AKR1D1: variants seen among roughly 807,000 people sequenced by gnomAD.
AKR1D1 encodes delta(4)-3-ketosteroid 5-beta-reductase.
In AKR1D1, 32 loss-of-function variants were observed where a neutral mutation model predicts 42.6. The ratio of observed to expected loss-of-function variants is 0.75; its 90% confidence interval spans 0.57 to 1.01. AKR1D1 has a LOEUF of 1.01. AKR1D1 is among the 50% of genes least tolerant of loss of function. The probability of loss-of-function intolerance (pLI) is 0.00; values close to 1 mark genes in which losing one functional copy is unlikely to be tolerated. For synonymous variants in AKR1D1, 123 were observed against 135.5 expected (o/e 0.91, Z 0.64); for missense variants, 364 against 402.2 (o/e 0.91, Z 0.81).
intron 3 of AKR1D1, 25 bp from the exon 4 acceptor site, chr7:138,097,841 T>G: frequency 9.8e-6 from 14 of 1,429,024 alleles, no homozygotes; most frequent in African/African-American, 1.8e-5. Context: ...ATGAATTACA[T>G]TTATTCTTTT....
rs1562931657 is a variant in AKR1D1, at chr7:138,088,607, A to G, written c.100A>G (p.Lys34Glu). 3 of 1,614,042 alleles carry G rather than the reference A, an allele frequency of 1.9e-6. No individual in the cohort carries two copies. The highest frequency in any genetic ancestry group is 2.2e-5 in the East Asian group (1 of 44,900). The stretch of plus-strand genomic sequence containing the variant: ...AACCTCTTTGTCACTTCAGACCCCT[A>G]AGGGAGCCTGTGCAACATCGGTGAA... ...GTYSEPKSTP[K>E]GACATSVKVA... Residue 34 changes from lysine to glutamate, a missense_variant, in exon 2 of 9, where the codon AAG becomes GAG. Coordinates refer to ENST00000242375, the MANE Select transcript of AKR1D1 (RefSeq NM_005989.4).
At chr7:138,103,970 A>C (rs76659074) in intron 4 of AKR1D1, among the ~76,000 whole-genome samples, 133 of 152,202 alleles carry the variant, frequency 8.7e-4, no homozygotes, top group African/African-American at 3.1e-3. Context: ...CTCATCTCCA[A>C]AAAATATTTT....
At position 138,117,511 on chromosome 7, in the gene AKR1D1, T is replaced by C. The variant is rs570109957; in HGVS notation, c.*849T>C. ...TGGCTTTTCTTCTTAACTTGGGAGA[T>C]ATATTGAAACAAGGTGCTTTATAAG... is the stretch of plus-strand genomic sequence containing the variant. On this transcript the variant is annotated 3_prime_UTR_variant, in exon 9 of 9. Transcript: ENST00000242375. 1.3e-5 allele frequency: 2 copies of C among 152,356 alleles called. No homozygotes were observed. Among genetic ancestry groups the C allele is most frequent in the African/African-American group, 4.8e-5 (2 of 41,574 alleles). 9.4% of individuals were successfully genotyped at this position (152,356 alleles called of 1,614,324 possible).
At chr7:138,101,150 TCC>T (rs1325588315) in intron 4 of AKR1D1, among the ~76,000 whole-genome samples, 656 of 63,104 alleles carry the variant, frequency 0.01, 28 homozygotes, top group African/African-American at 0.041. Context: ...GTGTTTTCTT[TCC>T]CTCCCTCCCT....
rs1358790910 is a variant in AKR1D1 at position 138,105,328 on chromosome 7, G to A, written c.478G>A (p.Ala160Thr). The A allele has an allele frequency of 3.7e-6, 6 of 1,614,082 alleles. No individual in the cohort carries two copies. The highest frequency in any genetic ancestry group is 5.1e-6 in the Non-Finnish European group (6 of 1,179,968). The change falls in exon 5 of 9, where the codon GCT (alanine) becomes ACT (threonine). Residue 160 changes from alanine (A) to threonine (T), a missense_variant. Physicochemically the swap from Ala to Thr is moderately conservative, Grantham distance 58. Transcript: ENST00000242375. ...ACAGGCGATGGAAGCTTGCAAAGAC[G>A]CTGGCTTGGTGAAATCCCTGGGAGT... is the stretch of plus-strand genomic sequence containing the variant. ...TWEAMEACKDAGLVKSLGVSN... is the reference protein window; with the variant it reads ...TWEAMEACKDTGLVKSLGVSN...
At chr7:138,091,610 G>A (rs190300441) in intron 2 of AKR1D1, among the ~76,000 whole-genome samples, 158 bp from the exon 3 acceptor site, 1 of 151,512 alleles carries the variant, frequency 6.6e-6, no homozygotes, top group African/African-American at 2.4e-5. Flanking sequence ...TGGGCAGATC[G>A]CTTGAGCCCA....
At chr7:138,113,632 C>T in intron 7 of AKR1D1, 58 bp from the exon 8 acceptor site, 2 of 1,475,942 alleles carry the variant, frequency 1.4e-6, no homozygotes, top group East Asian at 4.5e-5. Flanking sequence ...ACCGGTGGCC[C>T]CACTTTCTGA....
chr7:138,089,922 G>T (rs532482476), intron 2 of AKR1D1, among the ~76,000 whole-genome samples: 4 of 152,138 alleles, frequency 2.6e-5, no homozygotes, highest in Non-Finnish European at 5.9e-5. Flanking sequence ...GTCACTATTG[G>T]CTGAGTTGCC....
intron 4 of AKR1D1, among the ~76,000 whole-genome samples, chr7:138,099,140 G>A (rs1794241782): frequency 6.6e-6 from 1 of 152,280 alleles, no homozygotes; most frequent in Non-Finnish European, 1.5e-5. Flanking sequence ...CGAGGGGCGA[G>A]GAGGAATGAT....
intron 3 of AKR1D1, among the ~76,000 whole-genome samples, chr7:138,095,817 C>A (rs117411517): frequency 6.6e-6 from 1 of 151,422 alleles, no homozygotes; most frequent in Non-Finnish European, 1.5e-5. Flanking sequence ...TGAGCCACTG[C>A]GCCTGGCCAA....
At chr7:138,080,806 G>A (rs1418570683) in intron 1 of AKR1D1, among the ~76,000 whole-genome samples, 1 of 151,976 alleles carries the variant, frequency 6.6e-6, no homozygotes, top group African/African-American at 2.4e-5. Context: ...TTAAAATAAG[G>A]ACAGGATCTC....
chr7:138,101,171 CCCTCCCTCCCTCCCTCCCTCCCTTCCTT>C (rs1186017960), intron 4 of AKR1D1, among the ~76,000 whole-genome samples: 11 of 35,762 alleles, frequency 3.1e-4, no homozygotes, highest in African/African-American at 1.3e-3. Context: ...CTCCCTCCCT[CCCTCCCTCCCTCCCTCCCTCCCTTCCTT>C]CCTTCCTTCC....
intron 4 of AKR1D1, among the ~76,000 whole-genome samples, chr7:138,101,006 T>C (rs1794297774): frequency 1.3e-5 from 2 of 150,760 alleles, no homozygotes; most frequent in Non-Finnish European, 3.0e-5. Flanking sequence ...GCCCGGCCTA[T>C]AGTCAGAGAT....
chr7:138,088,313 G>T (rs575923563), intron 1 of AKR1D1, among the ~76,000 whole-genome samples: 1 of 152,232 alleles, frequency 6.6e-6, no homozygotes, highest in East Asian at 1.9e-4. Flanking sequence ...CTGTAAAAAG[G>T]CTTCCATGAA....
chr7:138,077,851 C>T (rs1159435091), intron 1 of AKR1D1, among the ~76,000 whole-genome samples: 2 of 152,148 alleles, frequency 1.3e-5, no homozygotes, highest in Non-Finnish European at 2.9e-5. Flanking sequence ...CCAGTGAATG[C>T]CAAGCCCATA....
At position 138,116,887 on chromosome 7, in the gene AKR1D1, AT is replaced by A. The variant is rs916033085; in HGVS notation, c.*231del. On this transcript the variant is annotated 3_prime_UTR_variant, in exon 9 of 9. Coordinates refer to ENST00000242375, the MANE Select transcript of AKR1D1 (RefSeq NM_005989.4). Reference sequence around the variant, plus strand: ...ATAACTCTTAGGAAATTATCAACTAATTTTTTCAGATCAGTATCTTCTAGAT... The same window carrying A: ...ATAACTCTTAGGAAATTATCAACTAATTTTTCAGATCAGTATCTTCTAGAT... 1.9e-5 allele frequency: 10 copies of A among 523,234 alleles called. 2 individuals carry two copies. The Admixed American group carries it at 3.1e-4, about 16-fold the overall frequency. 32.4% of individuals were successfully genotyped at this position (523,234 alleles called of 1,614,324 possible).
At position 138,106,708 on chromosome 7, in the gene AKR1D1, A is replaced by G; in HGVS notation, c.680A>G (p.Asn227Ser). The G allele has an allele frequency of 1.9e-6, 3 of 1,607,520 alleles. No homozygotes were observed. The highest frequency in any genetic ancestry group is 2.6e-6 in the Non-Finnish European group (3 of 1,173,950). The change falls in exon 6 of 9, where the codon AAT becomes AGT. Residue 227 changes from asparagine to serine, a missense_variant. By Grantham distance (46) the Asn-to-Ser change is conservative. Transcript: ENST00000242375. ...TATAGCCCTTTGGGGACCAGTAGGA[A>G]TCCAATCTGGTAAGTAAAACTTTAG... is the stretch of plus-strand genomic sequence containing the variant. Reference protein sequence around the residue: ...TAYSPLGTSRNPIWVNVSSPP... With the variant: ...TAYSPLGTSRSPIWVNVSSPP...
intron 3 of AKR1D1, among the ~76,000 whole-genome samples, chr7:138,093,305 G>A (rs1472072640): frequency 6.6e-6 from 1 of 152,124 alleles, no homozygotes; most frequent in African/African-American, 2.4e-5. Context: ...CTGACCTCAT[G>A]ATCCGCCCAC....
intron 2 of AKR1D1, 72 bp downstream of exon 2, chr7:138,088,840 C>CAGTG: frequency 7.0e-7 from 1 of 1,425,574 alleles, no homozygotes; most frequent in Non-Finnish European, 9.3e-7. Context: ...TATTCATCTT[C>CAGTG]CGTGTGTGTG....
Sources: allele counts gnomAD v4.1 joint callset (sites outside exome capture counted in the v4.1 genomes callset), GRCh38; gene constraint gnomAD v4.1.1; transcripts MANE v1.5; gene names NCBI Gene and HGNC (gene_info 2026-07-23, HGNC 2026-07-21).